Variants in PRKN observed in about 807,000 individuals in gnomAD.
The protein encoded by PRKN is parkin RBR E3 ubiquitin protein ligase.
A neutral mutation model predicts 59.5 loss-of-function variants in PRKN; 56 were observed. That is an observed-to-expected ratio of 0.94 (90% confidence interval 0.76 to 1.18). PRKN has a LOEUF of 1.18. Among genes scored for constraint, PRKN ranks in the 50% most tolerant of loss-of-function variants. The pLI is 0.00. For missense variants in PRKN, 657 were observed against 596.4 expected, an observed-to-expected ratio of 1.10 and a Z score of -1.06; for synonymous variants, 250 against 222.1, an observed-to-expected ratio of 1.13 and a Z score of -1.12.
intron 5 of PRKN, among the ~76,000 whole-genome samples, chr6:161,992,776 A>G (rs1458207758): frequency 1.3e-5 from 2 of 152,186 alleles, no homozygotes; most frequent in Non-Finnish European, 2.9e-5. Context: ...CAACAACAGA[A>G]TAAAACTAGA....
intron 6 of PRKN, among the ~76,000 whole-genome samples, chr6:161,920,152 G>A (rs1381005978): frequency 1.3e-5 from 2 of 151,980 alleles, no homozygotes; most frequent in Non-Finnish European, 1.5e-5. Flanking sequence ...GGGGTGCTAA[G>A]GCAGGCGGAT....
chr6:161,709,493 T>C (rs1786652329), intron 7 of PRKN, among the ~76,000 whole-genome samples: 2 of 152,230 alleles, frequency 1.3e-5, no homozygotes, highest in African/African-American at 2.4e-5. Context: ...ATAATTCACG[T>C]GGAAATTTTG....
chr6:162,019,495 A>G (rs564861420), intron 5 of PRKN, among the ~76,000 whole-genome samples: 1 of 152,290 alleles, frequency 6.6e-6, no homozygotes, highest in Non-Finnish European at 1.5e-5. Flanking sequence ...TCTACAGATC[A>G]TTGAAATGAT....
At chr6:162,358,881 G>A (rs936231390) in intron 2 of PRKN, among the ~76,000 whole-genome samples, 19 of 151,564 alleles carry the variant, frequency 1.3e-4, no homozygotes, top group Non-Finnish European at 2.7e-4. Flanking sequence ...CCAACATGGT[G>A]AAACCTCCTA....
chr6:162,299,169 G>A (rs939569539), intron 2 of PRKN, among the ~76,000 whole-genome samples: 8 of 152,190 alleles, frequency 5.3e-5, no homozygotes, highest in Non-Finnish European at 8.8e-5. Flanking sequence ...CAGCGAAGAC[G>A]CATCAGGCAT....
chr6:162,301,496 C>T (rs1781950156), intron 2 of PRKN, among the ~76,000 whole-genome samples: 1 of 152,088 alleles, frequency 6.6e-6, no homozygotes, highest in Non-Finnish European at 1.5e-5. Context: ...TTTCTCGTGG[C>T]TCTGCAGATT....
intron 1 of PRKN, among the ~76,000 whole-genome samples, chr6:162,587,676 A>G (rs1433091210): frequency 6.6e-6 from 1 of 152,196 alleles, no homozygotes; most frequent in African/African-American, 2.4e-5. Context: ...TTATACATGC[A>G]TAATATGTGA....
Position 162,009,626 on chromosome 6 carries a change from G to A in PRKN, c.619-36209C>T, listed in dbSNP as rs188473874. Among the ~76,000 whole-genome samples, 63 of 151,892 alleles carry A rather than the reference G, an allele frequency of 4.1e-4. 2 individuals are homozygous for A. Among genetic ancestry groups the A allele is most frequent in the African/African-American group, 1.5e-3 (61 of 41,308 alleles). ...ATTGCCCTTCACAGGCACACAGGAT[G>A]CATGCAGTGAAATAAAAGTCCTCTC... On this transcript the variant is annotated intron_variant, in intron 5 of 11. Coordinates refer to ENST00000366898, the MANE Select transcript of PRKN (RefSeq NM_004562.3).
chr6:162,088,369 T>C (rs1382210512), intron 4 of PRKN, among the ~76,000 whole-genome samples: 1 of 152,168 alleles, frequency 6.6e-6, no homozygotes, highest in Non-Finnish European at 1.5e-5. Context: ...TCTCAATCAC[T>C]GGAAAACAGT....
intron 7 of PRKN, among the ~76,000 whole-genome samples, chr6:161,684,224 T>A (rs995750833): frequency 2.0e-5 from 3 of 152,092 alleles, no homozygotes; most frequent in African/African-American, 4.8e-5. Context: ...TTAAAAAAAA[T>A]TTTCATTTTA....
intron 7 of PRKN, among the ~76,000 whole-genome samples, chr6:161,738,014 C>T (rs1392621826): frequency 1.3e-5 from 2 of 152,202 alleles, no homozygotes; most frequent in Non-Finnish European, 2.9e-5. Context: ...CCTATTTGAA[C>T]CTGGCCTGCC....
intron 4 of PRKN, among the ~76,000 whole-genome samples, chr6:162,111,318 ACCCGAG>A (rs1343445331): frequency 3.3e-5 from 5 of 151,876 alleles, no homozygotes; most frequent in African/African-American, 1.2e-4. Context: ...ACAAAAAATT[ACCCGAG>A]TGTTGTGGCA....
At chr6:161,602,720 T>C (rs1346475274) in intron 7 of PRKN, among the ~76,000 whole-genome samples, 1 of 152,224 alleles carries the variant, frequency 6.6e-6, no homozygotes, top group African/African-American at 2.4e-5. Context: ...TTACTTCATT[T>C]CAACATTTAG....
At chr6:161,733,732 A>C (rs1787816269) in intron 7 of PRKN, among the ~76,000 whole-genome samples, 1 of 148,392 alleles carries the variant, frequency 6.7e-6, no homozygotes, top group Non-Finnish European at 1.5e-5. Context: ...GGATCATTTA[A>C]TATCCCTGCT....
intron 7 of PRKN, among the ~76,000 whole-genome samples, chr6:161,755,242 A>T (rs1273560706): frequency 6.6e-6 from 1 of 152,054 alleles, no homozygotes; most frequent in African/African-American, 2.4e-5. Flanking sequence ...TCTTTTTATC[A>T]TCCATACTCT....
At chr6:162,476,057 C>CTT (rs765988655) in intron 1 of PRKN, among the ~76,000 whole-genome samples, 38,631 of 112,570 alleles carry the variant, frequency 0.34, 7,428 homozygotes, top group East Asian at 0.48. Context: ...TAACACCACT[C>CTT]TTTTTTTTTT....
intron 1 of PRKN, among the ~76,000 whole-genome samples, chr6:162,551,139 T>C (rs1275636618): frequency 6.6e-6 from 1 of 152,090 alleles, no homozygotes. Context: ...GAGACACACA[T>C]ACAAACGAGA....
Position 161,361,511 on chromosome 6 carries a change from C to CAAACTTTCAGGGGTTACCACT in PRKN, c.1168-1327_1168-1307dup, listed in dbSNP as rs1784973814. 6.6e-6 allele frequency among the ~76,000 whole-genome samples: 1 copy of CAAACTTTCAGGGGTTACCACT among 152,028 alleles called. No individual in the cohort carries two copies. Among genetic ancestry groups the CAAACTTTCAGGGGTTACCACT allele is most frequent in the Non-Finnish European group, 1.5e-5 (1 of 67,990 alleles). ...GGGGTTACCAAATTTCAGGGGTTAC[C>CAAACTTTCAGGGGTTACCACT]AAACTTTCAGGGGTTACCACTAAAC... is the stretch of plus-strand genomic sequence containing the variant. On this transcript the variant is annotated intron_variant, in intron 10 of 11. Transcript: ENST00000366898. The surrounding 1 kb of genome is among the most constrained non-coding windows in gnomAD (Gnocchi z 5.2).
intron 1 of PRKN, among the ~76,000 whole-genome samples, chr6:162,557,710 A>T (rs371417450): frequency 1.3e-5 from 2 of 152,136 alleles, no homozygotes; most frequent in African/African-American, 4.8e-5. Flanking sequence ...AGGTTTCACC[A>T]TGTTGGCCTG....
Sources: allele counts gnomAD v4.1 joint callset (sites outside exome capture counted in the v4.1 genomes callset), GRCh38; gene constraint gnomAD v4.1.1; non-coding constraint Gnocchi (gnomAD v3.1); transcripts MANE v1.5; gene names NCBI Gene and HGNC (gene_info 2026-07-23, HGNC 2026-07-21).